Variants in ABCC4 observed in about 807,000 individuals in gnomAD.
ABCC4 encodes ATP binding cassette subfamily C member 4 (PEL blood group), also known as ATP-binding cassette sub-family C member 4.
Under a neutral mutation model 168.5 loss-of-function variants are expected in ABCC4, and 102 were observed. That is an observed-to-expected ratio of 0.61 (90% CI 0.52 to 0.71). The LOEUF (loss-of-function observed/expected upper bound fraction) is 0.71, where lower values mean the gene tolerates loss of function less well. ABCC4 is among the 30% of genes least tolerant of loss of function. The pLI, the probability that ABCC4 is intolerant of heterozygous loss-of-function variation, is 0.00. For missense variants in ABCC4, 1,402 were observed against 1,605.8 expected, an observed-to-expected ratio of 0.87 and a Z score of 2.17; for synonymous variants, 617 against 590.7, an observed-to-expected ratio of 1.04 and a Z score of -0.65.
chr13:95,269,613 T>C (rs1265733202), intron 1 of ABCC4, among the ~76,000 whole-genome samples: 1 of 152,090 alleles, frequency 6.6e-6, no homozygotes, highest in African/African-American at 2.4e-5. Flanking sequence ...GGTTGCTACT[T>C]ACCAGGATGT....
At chr13:95,039,319 T>C (rs577192446) in intron 29 of ABCC4, among the ~76,000 whole-genome samples, 1 of 152,338 alleles carries the variant, frequency 6.6e-6, no homozygotes, top group African/African-American at 2.4e-5. Context: ...ATTTCAGATT[T>C]CAGATTAGGG....
chr13:95,218,984 AGAGTGAG>A (rs755506487), intron 4 of ABCC4, among the ~76,000 whole-genome samples: 5 of 38,880 alleles, frequency 1.3e-4, no homozygotes, highest in African/African-American at 1.9e-4. Context: ...AAAGAAAGAA[AGAGTGAG>A]AAAGAAAGAA....
intron 19 of ABCC4, among the ~76,000 whole-genome samples, chr13:95,146,759 C>G (rs549599427): frequency 6.6e-6 from 1 of 152,236 alleles, no homozygotes; most frequent in East Asian, 1.9e-4. Context: ...ACGGAAGTGA[C>G]AGAAGTTTTA....
At chr13:95,251,778 A>G (rs2040267892) in intron 1 of ABCC4, among the ~76,000 whole-genome samples, 1 of 152,216 alleles carries the variant, frequency 6.6e-6, no homozygotes. Context: ...GTGGCAGGCT[A>G]CTGAAGGAGT....
chr13:95,076,296 T>G (rs1431007085), intron 21 of ABCC4, among the ~76,000 whole-genome samples: 1 of 152,208 alleles, frequency 6.6e-6, no homozygotes, highest in Non-Finnish European at 1.5e-5. Flanking sequence ...CACTGCAAAC[T>G]TGTCCTGATC....
chr13:95,164,751 G>A (rs2037217112), intron 15 of ABCC4, among the ~76,000 whole-genome samples: 1 of 152,064 alleles, frequency 6.6e-6, no homozygotes, highest in Non-Finnish European at 1.5e-5. Flanking sequence ...CTGGAGTGTA[G>A]TGGCGCGATC....
chr13:95,284,610 C>T (rs796583246), intron 1 of ABCC4, among the ~76,000 whole-genome samples: 3 of 152,326 alleles, frequency 2.0e-5, no homozygotes, highest in African/African-American at 7.2e-5. Flanking sequence ...TTTCGGCAGA[C>T]ACCCCTGTCC....
At chr13:95,026,274 C>T (rs1434841812) in intron 30 of ABCC4, among the ~76,000 whole-genome samples, 1 of 151,966 alleles carries the variant, frequency 6.6e-6, no homozygotes, top group African/African-American at 2.4e-5. Flanking sequence ...AAATAAGTGG[C>T]ATTTCTACTG....
intron 5 of ABCC4, 135 bp downstream of exon 5, chr13:95,210,557 T>G: frequency 4.4e-6 from 3 of 686,886 alleles, no homozygotes; most frequent in Non-Finnish European, 2.5e-6. Flanking sequence ...AGCCCAGGAG[T>G]TCAAGCCTTC....
At chr13:95,060,163 A>G (rs2033230181) in intron 26 of ABCC4, among the ~76,000 whole-genome samples, 2 of 152,236 alleles carry the variant, frequency 1.3e-5, no homozygotes, top group African/African-American at 4.8e-5. Flanking sequence ...CAAAGTTAAA[A>G]AGGAAAGTCT....
At chr13:95,063,682 CT>C (rs1333676070) in intron 25 of ABCC4, among the ~76,000 whole-genome samples, 2 of 152,220 alleles carry the variant, frequency 1.3e-5, no homozygotes, top group Non-Finnish European at 2.9e-5. Context: ...TATCACTCCT[CT>C]ATTAAAGCCA....
In ABCC4 at chr13:95,217,872, A is replaced by G. The variant is rs1312089176; in HGVS notation, c.532-7091T>C. On this transcript the variant is annotated intron_variant, in intron 4 of 30. Transcript: ENST00000645237. ...GGATGCTCCTCTCACAGAGTCCCCA[A>G]ATGGCCACACTTTTCGGATTCGGGT... Among the ~76,000 whole-genome samples the G allele has an allele frequency of 2.0e-5, 3 of 152,104 alleles. No individual in the cohort carries two copies. In the South Asian group the frequency reaches 6.2e-4, roughly 32 times the overall value.
chr13:95,033,557 C>T (rs1439388374), intron 30 of ABCC4, among the ~76,000 whole-genome samples: 5 of 152,150 alleles, frequency 3.3e-5, no homozygotes, highest in African/African-American at 9.7e-5. Flanking sequence ...AAAGAGATCA[C>T]GTAGCCTGCG....
intron 29 of ABCC4, among the ~76,000 whole-genome samples, chr13:95,035,197 T>C (rs903263559): frequency 6.6e-6 from 1 of 152,162 alleles, no homozygotes; most frequent in Non-Finnish European, 1.5e-5. Context: ...GACAGTAAAT[T>C]AATTGCCGAG....
In ABCC4 at chr13:95,166,179, A is replaced by G. The variant is rs1431738648; in HGVS notation, c.2013T>C (p.Asp671=). ...TCACATCTTGGCTCTCCAGAGCACC[A>G]TCTTTCAAGGAGGGTCTAGAAGATT... ...SQQSSRPSLK[D]GALESQDTEN... The change falls in exon 15 of 31, where the codon GAT becomes GAC. Residue 671 remains aspartate (D), a synonymous_variant. Coordinates refer to ENST00000645237, the MANE Select transcript of ABCC4 (RefSeq NM_005845.5). The G allele has an allele frequency of 5.0e-6, 8 of 1,614,024 alleles. No homozygotes were observed. The highest frequency in any genetic ancestry group is 4.5e-5 in the East Asian group (2 of 44,888).
chr13:95,237,071 A>G (rs1381286020), intron 3 of ABCC4, among the ~76,000 whole-genome samples: 2 of 152,162 alleles, frequency 1.3e-5, no homozygotes, highest in Non-Finnish European at 2.9e-5. Flanking sequence ...ACGCTTCTCC[A>G]TTTCAGCCGT....
chr13:95,166,540 T>A (rs545906868), intron 14 of ABCC4, among the ~76,000 whole-genome samples, 173 bp from the exon 15 acceptor site: 1 of 152,338 alleles, frequency 6.6e-6, no homozygotes, highest in Admixed American at 6.5e-5. Context: ...GAGTGTTCTG[T>A]TCTCAGCCAG....
At chr13:95,042,209 T>C (rs2032391024) in intron 29 of ABCC4, among the ~76,000 whole-genome samples, 1 of 152,202 alleles carries the variant, frequency 6.6e-6, no homozygotes, top group African/African-American at 2.4e-5. Context: ...GTCTTCCTCA[T>C]TCATCCAGAT....
At chr13:95,263,825 G>T (rs9561822) in intron 1 of ABCC4, among the ~76,000 whole-genome samples, 3 of 146,154 alleles carry the variant, frequency 2.1e-5, no homozygotes, top group African/African-American at 7.7e-5. Flanking sequence ...TCTCAAAAAA[G>T]AAAAAAAAAA....
Sources: gnomAD v4.1 joint callset for allele counts (sites outside exome capture counted in the v4.1 genomes callset) on GRCh38, gnomAD v4.1.1 for gene constraint, MANE v1.5 for transcripts, NCBI Gene and HGNC (gene_info 2026-07-23, HGNC 2026-07-21) for gene names.